VPS33B: variants seen among roughly 807,000 people sequenced by gnomAD.
VPS33B encodes vacuolar protein sorting-associated protein 33B.
A neutral mutation model predicts 95.3 loss-of-function variants in VPS33B; 80 were observed. The observed-to-expected ratio is 0.84, with a 90% CI of 0.70 to 1.01. VPS33B has a LOEUF of 1.01. Among genes scored for constraint, VPS33B ranks in the 50% least tolerant of loss-of-function variants. The probability of loss-of-function intolerance (pLI) is 0.00; values close to 1 mark genes in which losing one functional copy is unlikely to be tolerated. For missense variants in VPS33B, 715 were observed against 773.4 expected (o/e 0.92, Z 0.90); for synonymous variants, 280 against 280.4 (o/e 1.00, Z 0.01).
In VPS33B at chr15:91,002,243, T is replaced by C; in HGVS notation, c.1273-61A>G. Reference sequence around the variant, plus strand: ...CCAAAGAGCATCTAGTACTGTCAGGTACTACAGAGTTGAGCAGAAGGACTA... The same window carrying C: ...CCAAAGAGCATCTAGTACTGTCAGGCACTACAGAGTTGAGCAGAAGGACTA... On this transcript the variant is annotated intron_variant, in intron 17 of 22. Coordinates refer to ENST00000333371, the MANE Select transcript of VPS33B (RefSeq NM_018668.5). This position sits in a 1 kb window ranked among gnomAD's most constrained non-coding sequence, Gnocchi z 4.7. 1 of 1,604,676 alleles carries C rather than the reference T, an allele frequency of 6.2e-7. No individual in the cohort carries two copies.
rs962200655 is a variant in VPS33B at position 91,015,399 on chromosome 15, G to T, written c.240-966C>A. 2.0e-5 allele frequency among the ~76,000 whole-genome samples: 3 copies of T among 151,400 alleles called. No individual in the cohort carries two copies. The highest frequency in any genetic ancestry group is 6.6e-5 in the Admixed American group (1 of 15,210). On this transcript the variant is annotated intron_variant, in intron 3 of 22. Coordinates refer to ENST00000333371, the MANE Select transcript of VPS33B (RefSeq NM_018668.5). This position sits in a 1 kb window ranked among gnomAD's most constrained non-coding sequence, Gnocchi z 4.7. ...AATAGTAAAATAAAAGAACTATAAG[G>T]CCTGGCGAGGTGGTGCATGCCTATA...
chr15:91,020,161 A>G (rs555605527), intron 1 of VPS33B, among the ~76,000 whole-genome samples: 25 of 152,268 alleles, frequency 1.6e-4, no homozygotes, highest in Admixed American at 1.3e-3. Context: ...TTTATAACTT[A>G]TGGTAGGGCT....
At chr15:91,008,323 G>A (rs1401756815) in intron 6 of VPS33B, among the ~76,000 whole-genome samples, 1 of 152,198 alleles carries the variant, frequency 6.6e-6, no homozygotes, top group Non-Finnish European at 1.5e-5. Context: ...GGAGTGCAAT[G>A]GTGCAGTCTC....
chr15:91,008,321 A>C (rs1453005900), intron 6 of VPS33B, among the ~76,000 whole-genome samples: 1 of 152,136 alleles, frequency 6.6e-6, no homozygotes, highest in Non-Finnish European at 1.5e-5. Flanking sequence ...CTGGAGTGCA[A>C]TGGTGCAGTC....
rs553234232 is a variant in VPS33B at position 91,009,349 on chromosome 15, C to A, written c.403+452G>T. Among the ~76,000 whole-genome samples, 2 of 151,562 alleles carry A rather than the reference C, an allele frequency of 1.3e-5. No homozygotes were observed. The highest frequency in any genetic ancestry group is 2.9e-5 in the Non-Finnish European group (2 of 67,980). Reference sequence around the variant, plus strand: ...TTCTCTGAGTCTCACTCTTGTTGCCCAGGCTGGAGTGCAATGGCGTGATCT... The same window carrying A: ...TTCTCTGAGTCTCACTCTTGTTGCCAAGGCTGGAGTGCAATGGCGTGATCT... On this transcript the variant is annotated intron_variant, in intron 6 of 22. Transcript: ENST00000333371. This position sits in a 1 kb window ranked among gnomAD's most constrained non-coding sequence, Gnocchi z 4.1.
At position 90,999,699 on chromosome 15, in the gene VPS33B, G is replaced by C. The variant is rs760232034; in HGVS notation, c.1752C>G (p.Leu584=). The stretch of plus-strand genomic sequence containing the variant: ...TACCTTTCTCTCTGCCCAGGAACCG[G>C]AGGGCTGAGATCTCAGAGAATGTAC... ...GGCTFSEISA[L]RFLGREKGYR... The change falls in exon 22 of 23, where the codon CTC becomes CTG. Residue 584 remains leucine (L), a synonymous_variant. Transcript: ENST00000333371. The surrounding 1 kb of genome is among the most constrained non-coding windows in gnomAD (Gnocchi z 5.1). 1 of 1,614,084 alleles carries C rather than the reference G, an allele frequency of 6.2e-7. No individual in the cohort carries two copies. Among genetic ancestry groups the C allele is most frequent in the South Asian group, 1.1e-5 (1 of 91,066 alleles).
In VPS33B at chr15:91,002,180, G is replaced by A; in HGVS notation, c.1275C>T (p.Ser425=). ...YRSLKTQYLQ[S]YGPEHLLTFS... ...AGGTTAGCAGGTGCTCAGGGCCATA[G>A]CTCTGAAGAAGATGCAATTAGACTA... Residue 425 remains serine (S), a splice_region_variant and synonymous_variant, in exon 18 of 23, where the codon AGC becomes AGT. Transcript: ENST00000333371. This position sits in a 1 kb window ranked among gnomAD's most constrained non-coding sequence, Gnocchi z 4.7. 1.9e-6 allele frequency: 3 copies of A among 1,614,190 alleles called. No individual in the cohort carries two copies. Among genetic ancestry groups the A allele is most frequent in the Non-Finnish European group, 2.5e-6 (3 of 1,180,036 alleles).
chr15:91,022,203 G>A lies in VPS33B; in HGVS notation c.47C>T (p.Ser16Phe). The A allele has an allele frequency of 1.9e-6, 3 of 1,587,938 alleles. No homozygotes were observed. Among genetic ancestry groups the A allele is most frequent in the Non-Finnish European group, 1.7e-6 (2 of 1,165,656 alleles). Residue 16 changes from serine to phenylalanine, a missense_variant, in exon 1 of 23, where the codon TCC becomes TTC. Coordinates refer to ENST00000333371, the MANE Select transcript of VPS33B (RefSeq NM_018668.5). ...RPDAPELPDF[S>F]MLKRLARDQL... ...GTCTCGAGCCAGCCTCTTCAGCATG[G>A]AGAAGTCAGGCAGCTCAGGGGCGTC...
At position 91,018,100 on chromosome 15, in the gene VPS33B, G is replaced by A; in HGVS notation, c.97-215C>T. On this transcript the variant is annotated intron_variant, in intron 1 of 22. Coordinates refer to ENST00000333371, the MANE Select transcript of VPS33B (RefSeq NM_018668.5). The surrounding 1 kb of genome is among the most constrained non-coding windows in gnomAD (Gnocchi z 4.7). ...TTCTCGTTTTCTGTACCAGTGGGAA[G>A]AAGACATCCCACCTTCTTTCTCAGG... 1 of 564,816 alleles carries A rather than the reference G, an allele frequency of 1.8e-6. No homozygotes were observed. 35.0% of individuals were successfully genotyped at this position (564,816 alleles called of 1,614,324 possible). A position where few individuals can be genotyped will look rare whatever the true frequency, so the allele number is the denominator to read the frequency against.
In VPS33B at chr15:90,999,847, T is replaced by C. The variant is rs2040383895; in HGVS notation, c.1657+53A>G. The C allele has an allele frequency of 1.2e-6, 2 of 1,613,822 alleles. No homozygotes were observed. Among genetic ancestry groups the C allele is most frequent in the African/African-American group, 1.3e-5 (1 of 74,904 alleles). On this transcript the variant is annotated intron_variant, in intron 21 of 22. Coordinates refer to ENST00000333371, the MANE Select transcript of VPS33B (RefSeq NM_018668.5). This position sits in a 1 kb window ranked among gnomAD's most constrained non-coding sequence, Gnocchi z 5.1. ...TCCCTGACATGCTAGTCCTGAGTGG[T>C]GCATCCAGCCCACCTCTCACTGCCA...
rs1037088004 is a variant in VPS33B, at chr15:91,016,008, C to T, written c.239+955G>A. 2.6e-5 allele frequency among the ~76,000 whole-genome samples: 4 copies of T among 152,056 alleles called. No homozygotes were observed. In the East Asian group the frequency reaches 5.8e-4, roughly 22 times the overall value. ...CTTTAAAATCAAGACAACAGCTGTA[C>T]ATGACTACATGCCGAGCGAACAGGA... is the stretch of plus-strand genomic sequence containing the variant. On this transcript the variant is annotated intron_variant, in intron 3 of 22. Transcript: ENST00000333371.
Position 91,006,688 on chromosome 15 carries a change from CAT to C in VPS33B, c.740_741del (p.Tyr247Ter), listed in dbSNP as rs781536971. The C allele has an allele frequency of 1.2e-6, 2 of 1,614,200 alleles. No individual in the cohort carries two copies. Among genetic ancestry groups the C allele is most frequent in the East Asian group, 4.5e-5 (2 of 44,880 alleles). Reference sequence around the variant, plus strand: ...CGGAAGGTGTCATCTACTAGGCCCTCATAAACCACTTGGGAGCAAAGTGCTGT... The same window carrying C: ...CGGAAGGTGTCATCTACTAGGCCCTCAAACCACTTGGGAGCAAAGTGCTGT... Reference protein sequence around the residue: ...FVTALCSQVVYEGLVDDTFRI... With the variant: ...FVTALCSQVVXEGLVDDTFRI... On this transcript the variant is annotated frameshift_variant, in exon 10 of 23. Transcript: ENST00000333371. LOFTEE classifies it high-confidence loss of function. The surrounding 1 kb of genome is among the most constrained non-coding windows in gnomAD (Gnocchi z 5.4).
intron 2 of VPS33B, 142 bp downstream of exon 2, chr15:91,017,663 C>G: frequency 1.3e-6 from 1 of 782,686 alleles, no homozygotes; most frequent in South Asian, 1.6e-5. Flanking sequence ...AAAATACGAA[C>G]AGCATCAATC....
Position 91,013,032 on chromosome 15 carries a change from G to T in VPS33B, c.357+772C>A, listed in dbSNP as rs186980957. Among the ~76,000 whole-genome samples, 209 of 152,308 alleles carry T rather than the reference G, an allele frequency of 1.4e-3. 2 individuals are homozygous for T. Among genetic ancestry groups the T allele is most frequent in the African/African-American group, 4.9e-3 (203 of 41,548 alleles). ...CCACATCCTTATAAGCATAGCGGAT[G>T]GGAAGAGGGAGGGTGATGATTTATC... On this transcript the variant is annotated intron_variant, in intron 5 of 22. Coordinates refer to ENST00000333371, the MANE Select transcript of VPS33B (RefSeq NM_018668.5). This position sits in a 1 kb window ranked among gnomAD's most constrained non-coding sequence, Gnocchi z 4.5.
intron 18 of VPS33B, 47 bp from the exon 19 acceptor site, chr15:91,001,509 A>C (rs762021005): frequency 6.7e-7 from 1 of 1,481,530 alleles, no homozygotes; most frequent in Non-Finnish European, 9.4e-7. Context: ...CTATGGATTC[A>C]TGACACTGCC....
rs753753520 is a variant in VPS33B, at chr15:91,003,065, A to G, written c.1272+20T>C. On this transcript the variant is annotated intron_variant, in intron 17 of 22. Coordinates refer to ENST00000333371, the MANE Select transcript of VPS33B (RefSeq NM_018668.5). ...TGCCCTCCATCAAGTTCCCTCAAGA[A>G]TACATTCTCCAGGCCTTACCTGCAG... The G allele has an allele frequency of 5.6e-6, 9 of 1,613,940 alleles. No individual in the cohort carries two copies. Among genetic ancestry groups the G allele is most frequent in the Middle Eastern group, 3.3e-4 (2 of 6,084 alleles).
rs1555460694 is a variant in VPS33B at position 91,018,806 on chromosome 15, G to GTT, written c.97-923_97-922dup. On this transcript the variant is annotated intron_variant, in intron 1 of 22. Coordinates refer to ENST00000333371, the MANE Select transcript of VPS33B (RefSeq NM_018668.5). This position sits in a 1 kb window ranked among gnomAD's most constrained non-coding sequence, Gnocchi z 4.7. ...AAATCTTTTTTTTTAAATCTTATTT[G>GTT]TTGTTTTGTTTTGTTTGTTTGTTTT... Among the ~76,000 whole-genome samples the GTT allele has an allele frequency of 5.3e-5, 8 of 151,998 alleles. No homozygotes were observed. The highest frequency in any genetic ancestry group is 1.9e-4 in the African/African-American group (8 of 41,422).
At chr15:91,016,556 G>A (rs1053810824) in intron 3 of VPS33B, among the ~76,000 whole-genome samples, 2 of 151,576 alleles carry the variant, frequency 1.3e-5, no homozygotes, top group East Asian at 1.9e-4. Context: ...GCTAATTTTC[G>A]TATTTTTAGT....
chr15:91,019,953 G>A (rs555558803), intron 1 of VPS33B, among the ~76,000 whole-genome samples: 7 of 152,020 alleles, frequency 4.6e-5, no homozygotes, highest in Non-Finnish European at 5.9e-5. Flanking sequence ...TTACAAGCAT[G>A]GGCCACTATG....
Sources: allele counts gnomAD v4.1 joint callset (sites outside exome capture counted in the v4.1 genomes callset), GRCh38; gene constraint gnomAD v4.1.1; non-coding constraint Gnocchi (gnomAD v3.1); transcripts MANE v1.5; gene names NCBI Gene and HGNC (gene_info 2026-07-23, HGNC 2026-07-21).